The following MYRIP variants were observed in gnomAD, a reference collection of about 807,000 sequenced individuals.
MYRIP encodes myosin VIIA and Rab interacting protein, also known as rab effector MyRIP.
MYRIP carries 49 observed loss-of-function variants against 98.0 expected under a neutral mutation model. That is an observed-to-expected ratio of 0.50 (90% confidence interval 0.40 to 0.63). MYRIP has a LOEUF of 0.63. Ranked by LOEUF, MYRIP falls within the 30% of genes least tolerant of loss-of-function variation. The pLI, the probability that MYRIP is intolerant of heterozygous loss-of-function variation, is 0.00. For synonymous variants in MYRIP, 404 were observed against 409.5 expected (o/e 0.99, Z 0.16); for missense variants, 1,004 against 1,058.2 (o/e 0.95, Z 0.71).
At chr3:39,979,396 T>C (rs1157565372) in intron 2 of MYRIP, among the ~76,000 whole-genome samples, 1 of 152,104 alleles carries the variant, frequency 6.6e-6, no homozygotes, top group Non-Finnish European at 1.5e-5. Context: ...CCCAGCACTT[T>C]GGAAGGCCAA....
intron 1 of MYRIP, among the ~76,000 whole-genome samples, chr3:39,858,569 C>T (rs1244440661): frequency 1.5e-5 from 2 of 137,790 alleles, no homozygotes; most frequent in African/African-American, 5.5e-5. Context: ...AACTTTCCAT[C>T]CAATAGAAGC....
chr3:40,219,645 C>G (rs1952264787), intron 11 of MYRIP, among the ~76,000 whole-genome samples: 1 of 152,090 alleles, frequency 6.6e-6, no homozygotes, highest in Non-Finnish European at 1.5e-5. Flanking sequence ...TCATCCATGT[C>G]CCTACAAAGG....
intron 3 of MYRIP, among the ~76,000 whole-genome samples, chr3:40,117,150 T>C (rs749977751): frequency 1.6e-4 from 25 of 152,200 alleles, no homozygotes; most frequent in African/African-American, 4.3e-4. Context: ...GTTTGTTATT[T>C]TGACATTTTT....
intron 3 of MYRIP, among the ~76,000 whole-genome samples, chr3:40,083,153 AAC>A (rs1948517643): frequency 6.6e-6 from 1 of 152,190 alleles, no homozygotes; most frequent in African/African-American, 2.4e-5. Flanking sequence ...ATATGAACAA[AAC>A]AGGCATAATT....
intron 3 of MYRIP, among the ~76,000 whole-genome samples, chr3:40,126,065 G>A (rs1949520777): frequency 6.6e-6 from 1 of 152,178 alleles, no homozygotes; most frequent in Non-Finnish European, 1.5e-5. Flanking sequence ...ACCTGGATGG[G>A]ATTCTGTTGT....
chr3:39,890,389 G>A (rs1943453133), intron 1 of MYRIP, among the ~76,000 whole-genome samples: 1 of 151,886 alleles, frequency 6.6e-6, no homozygotes, highest in Non-Finnish European at 1.5e-5. Context: ...ATTCATGGAT[G>A]TCATTTATCA....
intron 3 of MYRIP, among the ~76,000 whole-genome samples, chr3:40,122,551 GATAC>G (rs1265993643): frequency 1.3e-5 from 2 of 151,326 alleles, no homozygotes; most frequent in East Asian, 1.9e-4. Flanking sequence ...TTTTTCTATA[GATAC>G]ATAATTAAAC....
intron 2 of MYRIP, among the ~76,000 whole-genome samples, chr3:39,974,883 A>G (rs985775758): frequency 3.3e-5 from 5 of 152,210 alleles, no homozygotes; most frequent in African/African-American, 1.2e-4. Flanking sequence ...TAAATTAGGT[A>G]TGGATGGGAC....
intron 1 of MYRIP, among the ~76,000 whole-genome samples, chr3:39,899,924 G>A (rs1237318717): frequency 6.6e-6 from 1 of 152,112 alleles, no homozygotes; most frequent in African/African-American, 2.4e-5. Context: ...AGGTTCAAAC[G>A]ATTCTCCTGC....
chr3:39,853,699 T>C (rs967998595), intron 1 of MYRIP, among the ~76,000 whole-genome samples: 2 of 152,194 alleles, frequency 1.3e-5, no homozygotes, highest in Non-Finnish European at 2.9e-5. Context: ...TCCCATTCTG[T>C]GGGTTCTCTG....
intron 10 of MYRIP, among the ~76,000 whole-genome samples, chr3:40,192,431 T>TAC (rs1231377691): frequency 6.7e-6 from 1 of 150,220 alleles, no homozygotes; most frequent in Non-Finnish European, 1.5e-5. Flanking sequence ...ACTTAAAACA[T>TAC]ACAGATGCAA....
At chr3:40,166,785 G>C in intron 5 of MYRIP, 61 bp from the exon 6 acceptor site, 2 of 1,155,120 alleles carry the variant, frequency 1.7e-6, no homozygotes, top group Non-Finnish European at 2.6e-6. Context: ...AGAAGAGCTT[G>C]AACAATCGTT....
At chr3:39,948,938 C>T (rs1276894776) in intron 2 of MYRIP, among the ~76,000 whole-genome samples, 1 of 152,038 alleles carries the variant, frequency 6.6e-6, no homozygotes, top group Non-Finnish European at 1.5e-5. Flanking sequence ...GGAATAACAA[C>T]CAGACAGATA....
At chr3:39,992,027 C>T (rs1205504630) in intron 2 of MYRIP, among the ~76,000 whole-genome samples, 1 of 152,138 alleles carries the variant, frequency 6.6e-6, no homozygotes, top group Non-Finnish European at 1.5e-5. Flanking sequence ...AAGTGCAACT[C>T]TCTGAAGGTT....
At chr3:39,893,589 T>C (rs1170796973) in intron 1 of MYRIP, among the ~76,000 whole-genome samples, 1 of 151,956 alleles carries the variant, frequency 6.6e-6, no homozygotes, top group Admixed American at 6.6e-5. Flanking sequence ...GAACAATCAA[T>C]AACTAAAAAT....
intron 8 of MYRIP, among the ~76,000 whole-genome samples, chr3:40,178,068 T>C (rs750426974): frequency 3.9e-5 from 6 of 152,198 alleles, no homozygotes; most frequent in Non-Finnish European, 8.8e-5. Context: ...CGTATACATA[T>C]GACCACTCTT....
intron 1 of MYRIP, among the ~76,000 whole-genome samples, chr3:39,886,014 G>A (rs542260836): frequency 1.3e-5 from 2 of 152,194 alleles, no homozygotes; most frequent in East Asian, 1.9e-4. Context: ...GTCATTCTCT[G>A]TCCAGCTTTG....
chr3:39,879,072 T>A (rs1036035576), intron 1 of MYRIP, among the ~76,000 whole-genome samples: 103 of 140,070 alleles, frequency 7.4e-4, no homozygotes, highest in African/African-American at 2.4e-3. Context: ...CTCAAAAAAA[T>A]AATAATTTTA....
intron 3 of MYRIP, among the ~76,000 whole-genome samples, chr3:40,107,184 C>T (rs1949065416): frequency 1.3e-5 from 2 of 152,188 alleles, no homozygotes; most frequent in African/African-American, 4.8e-5. Context: ...TATTGAATAC[C>T]TGCTGGGGAC....
Sources: gnomAD v4.1 joint callset for allele counts (sites outside exome capture counted in the v4.1 genomes callset) on GRCh38, gnomAD v4.1.1 for gene constraint, MANE v1.5 for transcripts, NCBI Gene and HGNC (gene_info 2026-07-23, HGNC 2026-07-21) for gene names.